The following PRKN variants were observed in gnomAD, a reference collection of about 807,000 sequenced individuals.
The protein encoded by PRKN is E3 ubiquitin-protein ligase parkin.
Under a neutral mutation model 59.5 loss-of-function variants are expected in PRKN, and 56 were observed. The observed-to-expected ratio is 0.94, with a 90% CI of 0.76 to 1.18. The LOEUF is 1.18. PRKN is among the 50% of genes most tolerant of loss of function. The probability of loss-of-function intolerance (pLI) is 0.00; values close to 1 mark genes in which losing one functional copy is unlikely to be tolerated. For missense variants in PRKN, 657 were observed against 596.4 expected (o/e 1.10, Z -1.06); for synonymous variants, 250 against 222.1 (o/e 1.13, Z -1.12).
chr6:162,021,461 A>ATATATTTT (rs59250759), intron 5 of PRKN, among the ~76,000 whole-genome samples: 1 of 24,650 alleles, frequency 4.1e-5, no homozygotes, highest in African/African-American at 9.2e-5. Context: ...ATATATATAT[A>ATATATTTT]TTTTTTTTTT....
intron 9 of PRKN, among the ~76,000 whole-genome samples, chr6:161,500,402 T>A (rs767973671): frequency 6.6e-6 from 1 of 152,236 alleles, no homozygotes; most frequent in Non-Finnish European, 1.5e-5. Context: ...TATCCACCTC[T>A]GCAGTATTAT....
At chr6:161,600,044 T>G (rs1782053112) in intron 7 of PRKN, among the ~76,000 whole-genome samples, 1 of 152,220 alleles carries the variant, frequency 6.6e-6, no homozygotes, top group Non-Finnish European at 1.5e-5. Flanking sequence ...TATATTAACA[T>G]TCAATTAATG....
intron 9 of PRKN, among the ~76,000 whole-genome samples, chr6:161,441,570 G>T (rs1278579962): frequency 6.6e-6 from 1 of 151,034 alleles, no homozygotes; most frequent in Non-Finnish European, 1.5e-5. Context: ...ACTTGAACCT[G>T]GGAGGTGGAG....
intron 7 of PRKN, among the ~76,000 whole-genome samples, chr6:161,585,958 T>C (rs1419425958): frequency 6.6e-6 from 1 of 152,162 alleles, no homozygotes; most frequent in Non-Finnish European, 1.5e-5. Context: ...AAGGGTAAAT[T>C]TGTAAGGAAG....
chr6:162,189,103 C>T lies in PRKN; in HGVS notation c.534+12028G>A, dbSNP rs377039208. Among the ~76,000 whole-genome samples the T allele has an allele frequency of 1.1e-4, 16 of 151,132 alleles. No homozygotes were observed. The South Asian group carries it at 2.9e-3, about 28-fold the overall frequency. On this transcript the variant is annotated intron_variant, in intron 4 of 11. Transcript: ENST00000366898. ...TCTATAGGAGGGAATTGAGATTAGA[C>T]GACTGCAAAGTTGATTCCTATTCTA...
chr6:162,398,240 C>T (rs1273801316), intron 2 of PRKN, among the ~76,000 whole-genome samples: 1 of 152,078 alleles, frequency 6.6e-6, no homozygotes, highest in Non-Finnish European at 1.5e-5. Flanking sequence ...TCCTAACTAA[C>T]ATCTGGCTTA....
chr6:162,496,241 GA>G (rs1351551973), intron 1 of PRKN, among the ~76,000 whole-genome samples: 5 of 151,242 alleles, frequency 3.3e-5, no homozygotes, highest in South Asian at 2.1e-4. Context: ...AGTCTCGGGG[GA>G]AAAAAAAGAA....
chr6:161,892,820 G>C (rs907678212), intron 6 of PRKN, among the ~76,000 whole-genome samples: 3 of 152,226 alleles, frequency 2.0e-5, no homozygotes, highest in African/African-American at 7.2e-5. Flanking sequence ...AGGTTTTAGA[G>C]AATGTACCTG....
In PRKN at chr6:161,399,965, T is replaced by C. The variant is rs78866865; in HGVS notation, c.1084-13088A>G. ...TTCAACATGCAATCGATATAAAAAT[T>C]GGTAATGAGTTATTTTATATTCATT... is the stretch of plus-strand genomic sequence containing the variant. On this transcript the variant is annotated intron_variant, in intron 9 of 11. Coordinates refer to ENST00000366898, the MANE Select transcript of PRKN (RefSeq NM_004562.3). This position sits in a 1 kb window ranked among gnomAD's most constrained non-coding sequence, Gnocchi z 4.4. 6.6e-6 allele frequency among the ~76,000 whole-genome samples: 1 copy of C among 152,194 alleles called. No individual in the cohort carries two copies. Among genetic ancestry groups the C allele is most frequent in the Non-Finnish European group, 1.5e-5 (1 of 68,040 alleles).
At chr6:162,403,556 C>T (rs770043975) in intron 2 of PRKN, among the ~76,000 whole-genome samples, 2 of 152,168 alleles carry the variant, frequency 1.3e-5, no homozygotes, top group Non-Finnish European at 2.9e-5. Flanking sequence ...TCCAAGAGGG[C>T]ACCGGTGATT....
intron 2 of PRKN, among the ~76,000 whole-genome samples, chr6:162,302,457 A>T (rs564504000): frequency 6.6e-6 from 1 of 152,166 alleles, no homozygotes; most frequent in Non-Finnish European, 1.5e-5. Flanking sequence ...AAATTCAACA[A>T]GAAACAGATT....
chr6:162,300,548 A>G (rs1781898450), intron 2 of PRKN, among the ~76,000 whole-genome samples: 1 of 151,662 alleles, frequency 6.6e-6, no homozygotes, highest in Non-Finnish European at 1.5e-5. Context: ...TAAACCTTTC[A>G]CCTGGATACT....
At position 162,437,405 on chromosome 6, in the gene PRKN, G is replaced by T. The variant is rs191555018; in HGVS notation, c.171+5905C>A. Among the ~76,000 whole-genome samples the T allele has an allele frequency of 4.6e-5, 7 of 152,170 alleles. No homozygotes were observed. The East Asian group carries it at 1.4e-3, about 29-fold the overall frequency. ...AATGCTTACACATTCTAACGCAGTTGTAAGAGATAGCAGAGAAAGATGCCA... is the reference window on the plus strand; with the variant it reads ...AATGCTTACACATTCTAACGCAGTTTTAAGAGATAGCAGAGAAAGATGCCA... On this transcript the variant is annotated intron_variant, in intron 2 of 11. Coordinates refer to ENST00000366898, the MANE Select transcript of PRKN (RefSeq NM_004562.3).
At chr6:161,771,267 A>C (rs1395182916) in intron 7 of PRKN, among the ~76,000 whole-genome samples, 1 of 151,346 alleles carries the variant, frequency 6.6e-6, no homozygotes, top group Non-Finnish European at 1.5e-5. Flanking sequence ...GAGGCAGGAG[A>C]ATGGTGTGAA....
At chr6:161,813,300 C>T (rs1791636428) in intron 6 of PRKN, among the ~76,000 whole-genome samples, 1 of 152,106 alleles carries the variant, frequency 6.6e-6, no homozygotes, top group Non-Finnish European at 1.5e-5. Context: ...CTTTGCCCAA[C>T]CTCCAGTCTC....
chr6:161,862,737 TCCATTCAGAGGCGAGAAGGAGTCCAAG>T (rs1292136033), intron 6 of PRKN, among the ~76,000 whole-genome samples: 3 of 151,970 alleles, frequency 2.0e-5, no homozygotes, highest in Non-Finnish European at 2.9e-5. Context: ...CAGCTTCCCT[TCCATTCAGAGGCGAGAAGGAGTCCAAG>T]CCATTCAGAG....
chr6:162,595,556 T>C (rs1025342532), intron 1 of PRKN, among the ~76,000 whole-genome samples: 1 of 152,156 alleles, frequency 6.6e-6, no homozygotes, highest in African/African-American at 2.4e-5. Flanking sequence ...GCGCCTGGCT[T>C]GTTCCTGATT....
chr6:161,901,600 A>G (rs1023315474), intron 6 of PRKN, among the ~76,000 whole-genome samples: 9 of 152,204 alleles, frequency 5.9e-5, no homozygotes, highest in Non-Finnish European at 1.3e-4. Flanking sequence ...GGTCTGGCAT[A>G]CAGAAACAAC....
chr6:162,318,505 C>A (rs1782842254), intron 2 of PRKN, among the ~76,000 whole-genome samples: 1 of 152,028 alleles, frequency 6.6e-6, no homozygotes, highest in Non-Finnish European at 1.5e-5. Flanking sequence ...GCTGGGTGAT[C>A]ATCTATATTT....
Sources: gnomAD v4.1 joint callset for allele counts (sites outside exome capture counted in the v4.1 genomes callset) on GRCh38, gnomAD v4.1.1 for gene constraint, Gnocchi (gnomAD v3.1) non-coding constraint, MANE v1.5 for transcripts, NCBI Gene and HGNC (gene_info 2026-07-23, HGNC 2026-07-21) for gene names.